Variants in DMTF1 observed in about 807,000 individuals in gnomAD.
DMTF1 encodes cyclin D binding myb like transcription factor 1, also known as cyclin-D-binding Myb-like transcription factor 1.
A neutral mutation model predicts 91.1 loss-of-function variants in DMTF1; 39 were observed. The observed-to-expected ratio is 0.43, with a 90% CI of 0.33 to 0.56. The LOEUF (loss-of-function observed/expected upper bound fraction) is 0.56. DMTF1 is among the 20% of genes least tolerant of loss of function. The probability of loss-of-function intolerance (pLI) is 0.05; values close to 1 mark genes in which losing one functional copy is unlikely to be tolerated. For missense variants in DMTF1, 750 were observed against 914.5 expected, an observed-to-expected ratio of 0.82 and a Z score of 2.32; for synonymous variants, 338 against 309.5, an observed-to-expected ratio of 1.09 and a Z score of -0.97.
intron 6 of DMTF1, 140 bp from the exon 7 acceptor site, chr7:87,174,453 C>A: frequency 1.7e-6 from 1 of 598,152 alleles, no homozygotes; most frequent in Non-Finnish European, 2.9e-6. Context: ...ACCTAGAGAC[C>A]TTTCAGATTT....
intron 1 of DMTF1, among the ~76,000 whole-genome samples, chr7:87,161,631 G>A (rs1050563854): frequency 6.6e-6 from 1 of 152,184 alleles, no homozygotes; most frequent in Admixed American, 6.5e-5. Context: ...TTACAAAGTA[G>A]CATAGAATCA....
intron 4 of DMTF1, among the ~76,000 whole-genome samples, chr7:87,167,379 A>G (rs1470557272): frequency 6.6e-6 from 1 of 152,208 alleles, no homozygotes; most frequent in Admixed American, 6.5e-5. Flanking sequence ...TTGCTTAGCA[A>G]AGAGTGTGGA....
In DMTF1 at chr7:87,184,515, C is replaced by G. The variant is rs11974238; in HGVS notation, c.939C>G (p.Val313=). Residue 313 remains valine, a synonymous_variant, in exon 11 of 18, where the codon GTC becomes GTG. Transcript: ENST00000331242. ...CTTGGGCAGCTGTGGCTGAACGAGT[C>G]GGTACCCGCTCAGAAAAGCAATGTC... The part of the protein sequence containing the change: ...GVSWAAVAER[V]GTRSEKQCRS... 53,895 of 1,613,886 alleles carry G rather than the reference C, an allele frequency of 0.033. 1,000 individuals are homozygous for G. Among genetic ancestry groups the G allele is most frequent in the East Asian group, 0.058 (2,607 of 44,844 alleles).
At chr7:87,164,505 TAAAAAATGTTTTG>T (rs914445045) in intron 2 of DMTF1, among the ~76,000 whole-genome samples, 2 of 152,200 alleles carry the variant, frequency 1.3e-5, no homozygotes, top group Non-Finnish European at 2.9e-5. Flanking sequence ...TAAATACCTG[TAAAAAATGTTTTG>T]AAAAAATAAT....
intron 5 of DMTF1, among the ~76,000 whole-genome samples, chr7:87,171,339 T>G (rs1413318462): frequency 6.6e-6 from 1 of 152,230 alleles, no homozygotes; most frequent in African/African-American, 2.4e-5. Flanking sequence ...AAAAAACTTT[T>G]CATAATAATT....
chr7:87,165,559 C>T (rs796574613), intron 3 of DMTF1, among the ~76,000 whole-genome samples: 10 of 152,218 alleles, frequency 6.6e-5, no homozygotes, highest in African/African-American at 2.4e-4. Flanking sequence ...TATGTCTTCT[C>T]TTCTCACTCT....
rs1442562568 is a variant in DMTF1 at position 87,191,006 on chromosome 7, A to G, written c.1473A>G (p.Leu491=). ...CAATAACACTAAACAGTGGAACACT[A>G]CAGACATTTGAGATTCTTCCCGTGA... ...SETITLNSGT[L]QTFEILPSFH... Residue 491 remains leucine, a synonymous_variant, in exon 14 of 18, where the codon CTA becomes CTG. Transcript: ENST00000331242. 1.9e-6 allele frequency: 3 copies of G among 1,607,148 alleles called. No individual in the cohort carries two copies. The highest frequency in any genetic ancestry group is 2.6e-6 in the Non-Finnish European group (3 of 1,175,764).
intron 7 of DMTF1, among the ~76,000 whole-genome samples, chr7:87,176,146 G>T (rs1363563124): frequency 4.3e-4 from 65 of 152,130 alleles, no homozygotes; most frequent in Non-Finnish European, 4.4e-5. Flanking sequence ...TGCCTAGAAG[G>T]CCCACATTTT....
At chr7:87,168,278 G>A (rs74573735) in intron 4 of DMTF1, among the ~76,000 whole-genome samples, 5,609 of 152,248 alleles carry the variant, frequency 0.037, 127 homozygotes, top group East Asian at 0.064. Context: ...AGTTGTAACT[G>A]TATAGTGATT....
At chr7:87,189,093 T>G (rs544820239) in intron 13 of DMTF1, among the ~76,000 whole-genome samples, 53 of 152,306 alleles carry the variant, frequency 3.5e-4, no homozygotes, top group African/African-American at 1.2e-3. Context: ...GTCCTTTACA[T>G]TGCAGGATAT....
chr7:87,156,045 A>T (rs539949102), intron 1 of DMTF1, among the ~76,000 whole-genome samples: 1 of 152,146 alleles, frequency 6.6e-6, no homozygotes, highest in Admixed American at 6.5e-5. Context: ...AATTAACTTC[A>T]CTGTAAATCA....
At position 87,165,067 on chromosome 7, in the gene DMTF1, A is replaced by G. The variant is rs759466371; in HGVS notation, c.109+17A>G. 1 of 1,561,570 alleles carries G rather than the reference A, an allele frequency of 6.4e-7. No homozygotes were observed. Among genetic ancestry groups the G allele is most frequent in the South Asian group, 1.1e-5 (1 of 88,036 alleles). On this transcript the variant is annotated intron_variant, in intron 3 of 17. Transcript: ENST00000331242. ...CTCAGAATGGTAGGAGAACTTGCTGACATATAATTCTGACTCTCTGAATTT... is the reference window on the plus strand; with the variant it reads ...CTCAGAATGGTAGGAGAACTTGCTGGCATATAATTCTGACTCTCTGAATTT...
chr7:87,153,050 G>T (rs1789614563), intron 1 of DMTF1: 1 of 153,088 alleles, frequency 6.5e-6, no homozygotes, highest in Admixed American at 6.5e-5. Flanking sequence ...GTAGGCTTGG[G>T]TGGGGTCGAG....
intron 11 of DMTF1, chr7:87,184,941 T>C (rs1202707701): frequency 2.0e-6 from 1 of 490,838 alleles, no homozygotes; most frequent in African/African-American, 1.9e-5. Flanking sequence ...CCCACCAATG[T>C]GCCTCAGTCC....
At chr7:87,158,243 A>G (rs1025366163) in intron 1 of DMTF1, among the ~76,000 whole-genome samples, 1 of 152,038 alleles carries the variant, frequency 6.6e-6, no homozygotes, top group African/African-American at 2.4e-5. Flanking sequence ...AAACGTTCCA[A>G]TGTACTTGGT....
In DMTF1 at chr7:87,164,979, T is replaced by C. The variant is rs1793471221; in HGVS notation, c.38T>C (p.Val13Ala). 3 of 1,609,824 alleles carry C rather than the reference T, an allele frequency of 1.9e-6. No homozygotes were observed. Among genetic ancestry groups the C allele is most frequent in the African/African-American group, 2.7e-5 (2 of 74,722 alleles). Residue 13 changes from valine (V) to alanine (A), a missense_variant, in exon 3 of 18, where the codon GTA becomes GCA. Transcript: ENST00000331242. ...GAAGAGGATTCTGACACAGTAACAG[T>C]AGAAACTGTGAACTCTGTGACTTTG... Reference protein sequence around the residue: ...TVEEDSDTVTVETVNSVTLTQ... With the variant: ...TVEEDSDTVTAETVNSVTLTQ...
intron 1 of DMTF1, among the ~76,000 whole-genome samples, chr7:87,162,232 C>G (rs1355871832): frequency 6.6e-6 from 1 of 152,116 alleles, no homozygotes; most frequent in African/African-American, 2.4e-5. Context: ...CACCACCACA[C>G]CTGGCTAATT....
chr7:87,169,185 A>G (rs1032037270), intron 4 of DMTF1, among the ~76,000 whole-genome samples: 10 of 152,218 alleles, frequency 6.6e-5, no homozygotes, highest in Non-Finnish European at 1.2e-4. Flanking sequence ...CTGGTCAGGC[A>G]TGGTGGCTCA....
chr7:87,194,895 A>C (rs1652764572), intron 17 of DMTF1, 67 bp downstream of exon 17: 2 of 1,518,034 alleles, frequency 1.3e-6, no homozygotes, highest in South Asian at 2.4e-5. Context: ...ACATTTAATT[A>C]ACTTGTTTCA....
Sources: allele counts gnomAD v4.1 joint callset (sites outside exome capture counted in the v4.1 genomes callset), GRCh38; gene constraint gnomAD v4.1.1; transcripts MANE v1.5; gene names NCBI Gene and HGNC (gene_info 2026-07-23, HGNC 2026-07-21).